RARB: variants seen among roughly 807,000 people sequenced by gnomAD.
RARB encodes the protein HBV-activated protein.
RARB carries 17 observed loss-of-function variants against 51.9 expected under a neutral mutation model. The ratio of observed to expected loss-of-function variants is 0.33; its 90% confidence interval spans 0.22 to 0.49. RARB has a LOEUF of 0.49. Among genes scored for constraint, RARB ranks in the 20% least tolerant of loss-of-function variants. The pLI is 0.99. For synonymous variants in RARB, 215 were observed against 195.4 expected, an observed-to-expected ratio of 1.10 and a Z score of -0.84; for missense variants, 369 against 550.8, an observed-to-expected ratio of 0.67 and a Z score of 3.30.
intron 5 of RARB, among the ~76,000 whole-genome samples, chr3:25,201,145 CA>C (rs2125370664): frequency 6.6e-6 from 1 of 152,178 alleles, no homozygotes; most frequent in African/African-American, 2.4e-5. Context: ...AGTTCCTTCA[CA>C]TCCCTTGTAA....
At chr3:25,133,711 G>A (rs780807153) in intron 4 of RARB, among the ~76,000 whole-genome samples, 14 of 151,888 alleles carry the variant, frequency 9.2e-5, no homozygotes, top group Non-Finnish European at 1.8e-4. Flanking sequence ...GATTCAGAAA[G>A]GAGTTTCACT....
At chr3:25,397,650 G>A (rs559745944) in intron 5 of RARB, among the ~76,000 whole-genome samples, 3 of 152,256 alleles carry the variant, frequency 2.0e-5, no homozygotes, top group Admixed American at 6.5e-5. Flanking sequence ...TATTTAAAAA[G>A]TATTGAGTAT....
intron 5 of RARB, among the ~76,000 whole-genome samples, chr3:25,220,067 A>G (rs1701912636): frequency 6.6e-6 from 1 of 152,238 alleles, no homozygotes; most frequent in Non-Finnish European, 1.5e-5. Flanking sequence ...ATCACCTTAC[A>G]TAAAATAACA....
intron 3 of RARB, among the ~76,000 whole-genome samples, chr3:25,530,528 A>G (rs887327080): frequency 2.6e-5 from 4 of 152,190 alleles, no homozygotes; most frequent in South Asian, 2.1e-4. Flanking sequence ...AGCTCCTAGA[A>G]GCTGCCTGCA....
chr3:24,916,265 A>G (rs1263717709), intron 2 of RARB, among the ~76,000 whole-genome samples: 1 of 152,138 alleles, frequency 6.6e-6, no homozygotes, highest in African/African-American at 2.4e-5. Context: ...ACAAAAAGAG[A>G]AAGAAAGTTG....
At chr3:25,109,984 A>C (rs1004477292) in intron 3 of RARB, among the ~76,000 whole-genome samples, 1 of 152,218 alleles carries the variant, frequency 6.6e-6, no homozygotes, top group Non-Finnish European at 1.5e-5. Context: ...ACTCCTTGAA[A>C]TTATTACCTT....
Position 25,596,696 on chromosome 3 carries a change from C to T in RARB, c.*80C>T. 1 of 1,285,616 alleles carries T rather than the reference C, an allele frequency of 7.8e-7. No homozygotes were observed. Among genetic ancestry groups the T allele is most frequent in the Non-Finnish European group, 1.1e-6 (1 of 937,220 alleles). The allele number at this position is 1,285,616 out of a possible 1,614,324, so 79.6% of individuals were successfully genotyped here. A position where few individuals can be genotyped will look rare whatever the true frequency, so the allele number is the denominator to read the frequency against. Reference sequence around the variant, plus strand: ...AATGCAAGAAAAAACATTTTTACTGCTGCTTAGTTTTTGGACTGAAAAGAT... The same window carrying T: ...AATGCAAGAAAAAACATTTTTACTGTTGCTTAGTTTTTGGACTGAAAAGAT... On this transcript the variant is annotated 3_prime_UTR_variant, in exon 8 of 8. Coordinates refer to ENST00000330688, the MANE Select transcript of RARB (RefSeq NM_000965.5).
intron 1 of RARB, among the ~76,000 whole-genome samples, chr3:25,460,683 G>C (rs1695135601): frequency 6.6e-6 from 1 of 151,992 alleles, no homozygotes; most frequent in African/African-American, 2.4e-5. Flanking sequence ...CCTGACCTCA[G>C]GTGATCCCCC....
chr3:25,398,962 A>T (rs181279115), intron 5 of RARB, among the ~76,000 whole-genome samples: 1 of 152,214 alleles, frequency 6.6e-6, no homozygotes, highest in Admixed American at 6.5e-5. Flanking sequence ...GCTGATAAGG[A>T]ATGTGAAGTT....
chr3:25,235,297 C>A (rs1702276901), intron 5 of RARB, among the ~76,000 whole-genome samples: 1 of 152,140 alleles, frequency 6.6e-6, no homozygotes, highest in Non-Finnish European at 1.5e-5. Flanking sequence ...TTTACCCCAT[C>A]TTGATCAGTA....
At chr3:25,460,428 T>TTTTA (rs58159674) in intron 1 of RARB, among the ~76,000 whole-genome samples, 24,843 of 145,520 alleles carry the variant, frequency 0.17, 2,218 homozygotes, top group Admixed American at 0.21. Flanking sequence ...ATTTTAAAAT[T>TTTTA]TTTATTTATT....
chr3:25,068,634 C>T (rs1698710658), intron 3 of RARB, among the ~76,000 whole-genome samples: 1 of 152,010 alleles, frequency 6.6e-6, no homozygotes, highest in Non-Finnish European at 1.5e-5. Context: ...TATTTTAATC[C>T]TTAGGTACCC....
At chr3:25,237,682 A>G (rs61691090) in intron 5 of RARB, among the ~76,000 whole-genome samples, 14,222 of 152,096 alleles carry the variant, frequency 0.094, 1,432 homozygotes, top group African/African-American at 0.24. Context: ...ATCTAATTCC[A>G]GAACATGTTA....
intron 2 of RARB, among the ~76,000 whole-genome samples, chr3:24,916,162 C>G (rs1330676181): frequency 6.6e-6 from 1 of 152,100 alleles, no homozygotes; most frequent in Non-Finnish European, 1.5e-5. Flanking sequence ...GGAAAAAAGA[C>G]TCACAGAAAG....
intron 3 of RARB, among the ~76,000 whole-genome samples, chr3:25,553,497 G>T (rs76906394): frequency 2.0e-5 from 3 of 152,116 alleles, no homozygotes; most frequent in Non-Finnish European, 2.9e-5. Flanking sequence ...GAAAGTCTTT[G>T]GATGCTTATA....
At chr3:25,214,083 G>A (rs554461259) in intron 5 of RARB, among the ~76,000 whole-genome samples, 3 of 152,286 alleles carry the variant, frequency 2.0e-5, no homozygotes, top group South Asian at 2.1e-4. Flanking sequence ...TTGATTCATA[G>A]TCAGCATAGA....
intron 2 of RARB, among the ~76,000 whole-genome samples, chr3:25,012,017 C>T (rs1489855144): frequency 6.6e-6 from 1 of 152,034 alleles, no homozygotes; most frequent in South Asian, 2.1e-4. Flanking sequence ...GATTGGAAAT[C>T]CCACAATGAG....
At chr3:25,231,599 G>T (rs1355200715) in intron 5 of RARB, among the ~76,000 whole-genome samples, 1 of 152,056 alleles carries the variant, frequency 6.6e-6, no homozygotes, top group Non-Finnish European at 1.5e-5. Flanking sequence ...ATTTGGTAAT[G>T]ACTTTTATTT....
At chr3:25,572,158 G>A (rs934751817) in intron 4 of RARB, among the ~76,000 whole-genome samples, 1 of 152,200 alleles carries the variant, frequency 6.6e-6, no homozygotes, top group Non-Finnish European at 1.5e-5. Flanking sequence ...AACAGGTGCT[G>A]TGCAATGGTG....
Sources: gnomAD v4.1 joint callset for allele counts (sites outside exome capture counted in the v4.1 genomes callset) on GRCh38, gnomAD v4.1.1 for gene constraint, MANE v1.5 for transcripts, NCBI Gene and HGNC (gene_info 2026-07-23, HGNC 2026-07-21) for gene names.